Variants in TES observed in about 807,000 individuals in gnomAD.
The protein encoded by TES is testin LIM domain protein.
Under a neutral mutation model 48.2 loss-of-function variants are expected in TES, and 41 were observed. The observed-to-expected ratio is 0.85, with a 90% confidence interval of 0.66 to 1.10. TES has a LOEUF of 1.10. Among genes scored for constraint, TES ranks in the 50% least tolerant of loss-of-function variants. The pLI is 0.00. For synonymous variants in TES, 162 were observed against 174.9 expected, an observed-to-expected ratio of 0.93 and a Z score of 0.58; for missense variants, 463 against 515.1, an observed-to-expected ratio of 0.90 and a Z score of 0.98.
chr7:116,240,627 T>A (rs1441133102), intron 2 of TES, among the ~76,000 whole-genome samples: 1 of 152,130 alleles, frequency 6.6e-6, no homozygotes, highest in Non-Finnish European at 1.5e-5. Flanking sequence ...CAATCCACCT[T>A]TGCACCTTTT....
chr7:116,212,008 GTTTC>G (rs1334001073), intron 1 of TES, among the ~76,000 whole-genome samples: 16 of 152,160 alleles, frequency 1.1e-4, no homozygotes, highest in Admixed American at 9.2e-4. Context: ...TTCCCATTTG[GTTTC>G]TTTCTTTTTT....
At position 116,210,958 on chromosome 7, in the gene TES, G is replaced by T. The variant is rs1294936475; in HGVS notation, c.27+224G>T. On this transcript the variant is annotated intron_variant, in intron 1 of 6. Coordinates refer to ENST00000358204, the MANE Select transcript of TES (RefSeq NM_015641.4). ...TCGGGAGCGACAGAATTGGAAGCGCGAGCGAGGGCGGGCGCGGGACTCTTC... is the reference window on the plus strand; with the variant it reads ...TCGGGAGCGACAGAATTGGAAGCGCTAGCGAGGGCGGGCGCGGGACTCTTC... The T allele has an allele frequency of 8.6e-6, 3 of 346,948 alleles. No homozygotes were observed. The East Asian group carries it at 1.4e-4, about 16-fold the overall frequency. 21.5% of individuals were successfully genotyped at this position (346,948 alleles called of 1,614,324 possible).
chr7:116,251,138 T>C (rs1023966944), intron 4 of TES, among the ~76,000 whole-genome samples: 2 of 152,150 alleles, frequency 1.3e-5, no homozygotes, highest in Non-Finnish European at 2.9e-5. Context: ...GGTGATAGTT[T>C]TAGAGAATCT....
chr7:116,245,955 C>G (rs7811963), intron 2 of TES, among the ~76,000 whole-genome samples: 27,529 of 151,928 alleles, frequency 0.18, 2,666 homozygotes, highest in East Asian at 0.43. Context: ...AGAACTCAAT[C>G]ACTATCATGA....
chr7:116,234,705 C>A, intron 2 of TES, 86 bp downstream of exon 2: 1 of 1,104,310 alleles, frequency 9.1e-7, no homozygotes, highest in Non-Finnish European at 1.4e-6. Context: ...TCGAGTTCTC[C>A]AGCATGGTTG....
intron 2 of TES, among the ~76,000 whole-genome samples, chr7:116,242,304 T>C (rs1218811439): frequency 6.6e-6 from 1 of 152,206 alleles, no homozygotes; most frequent in Non-Finnish European, 1.5e-5. Flanking sequence ...TACATTGTTT[T>C]TGTTAACCAA....
chr7:116,233,641 TAAGTA>T (rs766361487), intron 1 of TES, among the ~76,000 whole-genome samples: 1 of 152,246 alleles, frequency 6.6e-6, no homozygotes, highest in Non-Finnish European at 1.5e-5. Flanking sequence ...TAATGAGATA[TAAGTA>T]AAGTACTTAC....
intron 2 of TES, among the ~76,000 whole-genome samples, chr7:116,241,488 A>T (rs1799848457): frequency 6.6e-6 from 1 of 152,172 alleles, no homozygotes; most frequent in Non-Finnish European, 1.5e-5. Context: ...AACTGTTTTA[A>T]TGATGACAGC....
At chr7:116,223,582 T>C (rs1799583544) in intron 1 of TES, among the ~76,000 whole-genome samples, 1 of 152,108 alleles carries the variant, frequency 6.6e-6, no homozygotes, top group Non-Finnish European at 1.5e-5. Context: ...TGTAACTATA[T>C]ATTGAGAAAG....
At chr7:116,226,451 C>G (rs1030844247) in intron 1 of TES, among the ~76,000 whole-genome samples, 15 of 152,118 alleles carry the variant, frequency 9.9e-5, no homozygotes, top group African/African-American at 3.1e-4. Context: ...GAGGTTCAAG[C>G]AAAGTGAAAA....
chr7:116,224,562 T>C (rs766467822), intron 1 of TES, among the ~76,000 whole-genome samples: 6 of 152,178 alleles, frequency 3.9e-5, no homozygotes, highest in Non-Finnish European at 8.8e-5. Context: ...TTTTTTCTCT[T>C]GCTGTAACAT....
Position 116,257,697 on chromosome 7 carries a change from ATAAT to A in TES, c.*217_*220del. ...AAGCATTTGATTTGTAAAACAGTAA[ATAAT>A]TGTATCTTTCCATAGCTTTTCAAAT... On this transcript the variant is annotated 3_prime_UTR_variant, in exon 7 of 7. Coordinates refer to ENST00000358204, the MANE Select transcript of TES (RefSeq NM_015641.4). 7.0e-6 allele frequency: 3 copies of A among 428,560 alleles called. No individual in the cohort carries two copies. Among genetic ancestry groups the A allele is most frequent in the Non-Finnish European group, 4.1e-6 (1 of 242,220 alleles). The allele number at this position is 428,560 out of a possible 1,614,324, so 26.5% of individuals were successfully genotyped here. A position where few individuals can be genotyped will look rare whatever the true frequency, so the allele number is the denominator to read the frequency against.
chr7:116,230,721 C>T (rs1477477937), intron 1 of TES, among the ~76,000 whole-genome samples: 1 of 152,180 alleles, frequency 6.6e-6, no homozygotes, highest in African/African-American at 2.4e-5. Flanking sequence ...GAAAACAAAA[C>T]AAAGTACTCC....
intron 2 of TES, among the ~76,000 whole-genome samples, chr7:116,240,925 C>T (rs1799838407): frequency 6.6e-6 from 1 of 152,172 alleles, no homozygotes; most frequent in African/African-American, 2.4e-5. Flanking sequence ...AGATAATCCA[C>T]ACACCGTGCA....
chr7:116,251,065 G>A (rs968852807), intron 4 of TES, among the ~76,000 whole-genome samples: 3 of 152,098 alleles, frequency 2.0e-5, no homozygotes, highest in Non-Finnish European at 4.4e-5. Context: ...ATTCCTCATA[G>A]CTCCAGTTAG....
intron 2 of TES, among the ~76,000 whole-genome samples, chr7:116,238,585 C>CATCATTATTATTATTATT (rs1554437876): frequency 2.3e-5 from 3 of 129,364 alleles, no homozygotes; most frequent in South Asian, 2.8e-4. Flanking sequence ...CAACATCCAT[C>CATCATTATTATTATTATT]ATTATTATTA....
At chr7:116,227,401 C>T (rs1301314689) in intron 1 of TES, among the ~76,000 whole-genome samples, 1 of 152,050 alleles carries the variant, frequency 6.6e-6, no homozygotes, top group Non-Finnish European at 1.5e-5. Flanking sequence ...GGATTACAGG[C>T]ATGAGCCACC....
chr7:116,231,684 A>G (rs1478129105), intron 1 of TES, among the ~76,000 whole-genome samples: 1 of 152,208 alleles, frequency 6.6e-6, no homozygotes, highest in Non-Finnish European at 1.5e-5. Context: ...GGGGGCTTGT[A>G]AGGACCAAGG....
At chr7:116,243,236 T>C (rs1012922447) in intron 2 of TES, among the ~76,000 whole-genome samples, 1 of 152,220 alleles carries the variant, frequency 6.6e-6, no homozygotes, top group African/African-American at 2.4e-5. Context: ...TGTTAATCCA[T>C]GTTTATATAG....
Sources: allele counts gnomAD v4.1 joint callset (sites outside exome capture counted in the v4.1 genomes callset), GRCh38; gene constraint gnomAD v4.1.1; transcripts MANE v1.5; gene names NCBI Gene and HGNC (gene_info 2026-07-23, HGNC 2026-07-21).